NEB: variants seen among roughly 807,000 people sequenced by gnomAD.
The protein encoded by NEB is nemaline myopathy type 2.
In NEB, 512 loss-of-function variants were observed where a neutral mutation model predicts 952.2. The observed-to-expected ratio is 0.54, with a 90% CI of 0.50 to 0.58. The LOEUF is 0.58. NEB is among the 20% of genes least tolerant of loss of function. The probability of loss-of-function intolerance (pLI) is 0.00; values close to 1 mark genes in which losing one functional copy is unlikely to be tolerated. For missense variants in NEB, 8,428 were observed against 9,231.1 expected, an observed-to-expected ratio of 0.91 and a Z score of 3.56; for synonymous variants, 2,900 against 3,149.8, an observed-to-expected ratio of 0.92 and a Z score of 2.66.
chr2:151,486,002 G>T (rs748407608), intron 181 of NEB, 69 bp from the exon 182 acceptor site: 18 of 1,488,144 alleles, frequency 1.2e-5, no homozygotes, highest in Middle Eastern at 1.7e-4. Flanking sequence ...ACATCTATTT[G>T]TAAGATCTCT....
At chr2:151,731,953 C>T (rs1312343866) in intron 3 of NEB, among the ~76,000 whole-genome samples, 3 of 152,102 alleles carry the variant, frequency 2.0e-5, no homozygotes, top group Non-Finnish European at 4.4e-5. Context: ...TTACATTGTA[C>T]GAGATTCATT....
rs1399098406 is a variant in NEB, at chr2:151,697,545, T to C, written c.1256A>G (p.Asp419Gly). The C allele has an allele frequency of 2.5e-6, 4 of 1,610,538 alleles. No individual in the cohort carries two copies. The highest frequency in any genetic ancestry group is 2.2e-5 in the East Asian group (1 of 44,872). Residue 419 changes from aspartate to glycine, a missense_variant and splice_region_variant, in exon 14 of 182, where the codon GAT becomes GGT. Coordinates refer to ENST00000397345, the MANE Select transcript of NEB (RefSeq NM_001164508.2). ...AAGAGTGACAGTAGGATTGCTTACA[T>C]CACTACTGAAGTTCTGCAGAACAGT... The part of the protein sequence containing the change: ...LDTVLQNFSS[D>G]KKYKDSYLKD...
intron 63 of NEB, among the ~76,000 whole-genome samples, chr2:151,638,807 C>CTGTG (rs71996133): frequency 2.8e-4 from 41 of 147,956 alleles, no homozygotes; most frequent in Admixed American, 2.7e-4. Context: ...TTCTCTCTCT[C>CTGTG]TGTGTGTGTG....
intron 63 of NEB, 55 bp from the exon 64 acceptor site, chr2:151,636,389 G>A: frequency 1.5e-6 from 2 of 1,361,736 alleles, no homozygotes; most frequent in Non-Finnish European, 2.0e-6. Flanking sequence ...AAAACTGACA[G>A]AGGACTAAGA....
In NEB at chr2:151,671,385, A is replaced by C. The variant is rs1047788976; in HGVS notation, c.4300-156T>G. 30 of 636,984 alleles carry C rather than the reference A, an allele frequency of 4.7e-5. No homozygotes were observed. In the East Asian group the frequency reaches 7.7e-4, roughly 16 times the overall value. 39.5% of individuals were successfully genotyped at this position (636,984 alleles called of 1,614,324 possible). ...AGAGCTTATCTGGAGTGTGGTAATAAGAAGAAGCTGTTCTGTTGTTAGAGT... is the reference window on the plus strand; with the variant it reads ...AGAGCTTATCTGGAGTGTGGTAATACGAAGAAGCTGTTCTGTTGTTAGAGT... On this transcript the variant is annotated intron_variant, in intron 37 of 181. Transcript: ENST00000397345.
chr2:151,553,730 G>T, intron 126 of NEB, 98 bp downstream of exon 126: 1 of 1,236,176 alleles, frequency 8.1e-7, no homozygotes, highest in Non-Finnish European at 1.1e-6. Flanking sequence ...AGAGATAGTG[G>T]AAAAAGGCTA....
intron 9 of NEB, among the ~76,000 whole-genome samples, chr2:151,721,948 C>T (rs1051142434): frequency 6.6e-6 from 1 of 152,112 alleles, no homozygotes; most frequent in Admixed American, 6.5e-5. Flanking sequence ...TAACCAATTA[C>T]ATAGAAAGTG....
chr2:151,502,136 G>GTATGT, intron 167 of NEB, among the ~76,000 whole-genome samples: 1 of 152,134 alleles, frequency 6.6e-6, no homozygotes, highest in Non-Finnish European at 1.5e-5. Flanking sequence ...ACCAAACATT[G>GTATGT]TATGTTCTCA....
In NEB at chr2:151,531,090, T is replaced by C. The variant is rs566539789; in HGVS notation, c.21534A>G (p.Lys7178=). The C allele has an allele frequency of 6.2e-7, 1 of 1,606,126 alleles. No homozygotes were observed. Among genetic ancestry groups the C allele is most frequent in the African/African-American group, 1.3e-5 (1 of 74,928 alleles). ...TGGGTTTGGCCTTGTTGTATTCCAA[T>C]TTATAAAGGATCTGAAAGATCAAAA... ...VNKQISDILY[K]LEYNKAKPRG... The change falls in exon 145 of 182, where the codon AAA becomes AAG. Residue 7178 remains lysine, a synonymous_variant. Transcript: ENST00000397345.
chr2:151,688,915 ATTGT>A (rs2099523938), intron 24 of NEB, among the ~76,000 whole-genome samples: 2 of 152,136 alleles, frequency 1.3e-5, no homozygotes, highest in Non-Finnish European at 2.9e-5. Flanking sequence ...AGACTTATGA[ATTGT>A]TTGTTTCTGG....
chr2:151,519,491 T>C (rs2080455744), intron 154 of NEB, among the ~76,000 whole-genome samples, 167 bp downstream of exon 154: 1 of 151,900 alleles, frequency 6.6e-6, no homozygotes, highest in African/African-American at 2.4e-5. Context: ...GAATGGAGAG[T>C]TTTTGCTTAA....
At chr2:151,605,535 G>C (rs1332076695) in intron 84 of NEB, among the ~76,000 whole-genome samples, 3 of 121,880 alleles carry the variant, frequency 2.5e-5, no homozygotes, top group African/African-American at 7.5e-5. Context: ...TCCATCTGAT[G>C]AGTGTCTCAG....
chr2:151,733,308 G>T, intron 2 of NEB, 123 bp from the exon 3 acceptor site: 1 of 678,290 alleles, frequency 1.5e-6, no homozygotes, highest in Non-Finnish European at 2.4e-6. Flanking sequence ...TATTGTTGCA[G>T]GCTAAAGGAG....
At chr2:151,506,016 T>C in intron 164 of NEB, 150 bp downstream of exon 164, 1 of 726,418 alleles carries the variant, frequency 1.4e-6, no homozygotes, top group South Asian at 1.6e-5. Flanking sequence ...ATGAGATGAC[T>C]CTAGCCACTG....
chr2:151,630,860 A>T, intron 66 of NEB, 41 bp from the exon 67 acceptor site: 1 of 1,486,850 alleles, frequency 6.7e-7, no homozygotes, highest in Non-Finnish European at 9.1e-7. Context: ...ATCATTTGAA[A>T]TAGAAATGAC....
At chr2:151,704,922 C>G (rs2099698869) in intron 13 of NEB, among the ~76,000 whole-genome samples, 1 of 152,186 alleles carries the variant, frequency 6.6e-6, no homozygotes, top group Non-Finnish European at 1.5e-5. Flanking sequence ...AATATGCCAC[C>G]TCTGACCACG....
intron 159 of NEB, 38 bp from the exon 160 acceptor site, chr2:151,513,731 A>C: frequency 8.3e-6 from 11 of 1,321,122 alleles, no homozygotes; most frequent in Non-Finnish European, 1.1e-5. Flanking sequence ...AGGTACCTAA[A>C]TGCTACTACT....
intron 181 of NEB, 91 bp from the exon 182 acceptor site, chr2:151,486,024 C>T (rs2050025950): frequency 7.6e-7 from 1 of 1,322,764 alleles, no homozygotes; most frequent in Non-Finnish European, 1.1e-6. Context: ...ATGACTGACT[C>T]CACAAACTTA....
In NEB at chr2:151,727,856, C is replaced by T. The variant is rs1290183134; in HGVS notation, c.129G>A (p.Glu43=). The change falls in exon 5 of 182, where the codon GAG becomes GAA. Residue 43 remains glutamate, a synonymous_variant. Transcript: ENST00000397345. ...ETTTTRTSDY[E]QSETSKPALA... ...GAGCTGGTTTGGAAGTTTCTGATTGCTCATAGTCAGATGTCCTTGTTGTCG... is the reference window on the plus strand; with the variant it reads ...GAGCTGGTTTGGAAGTTTCTGATTGTTCATAGTCAGATGTCCTTGTTGTCG... 13 of 1,612,940 alleles carry T rather than the reference C, an allele frequency of 8.1e-6. No homozygotes were observed. Among genetic ancestry groups the T allele is most frequent in the Non-Finnish European group, 1.1e-5 (13 of 1,179,448 alleles).
Sources: gnomAD v4.1 joint callset for allele counts (sites outside exome capture counted in the v4.1 genomes callset) on GRCh38, gnomAD v4.1.1 for gene constraint, MANE v1.5 for transcripts, NCBI Gene and HGNC (gene_info 2026-07-23, HGNC 2026-07-21) for gene names.